The following GLIS1 variants were observed in gnomAD, a reference collection of about 807,000 sequenced individuals.
GLIS1 encodes the protein GLIS family zinc finger 1, also known as zinc finger protein GLIS1.
A neutral mutation model predicts 63.8 loss-of-function variants in GLIS1; 24 were observed. That is an observed-to-expected ratio of 0.38 (90% CI 0.27 to 0.53). GLIS1 has a LOEUF of 0.53. Ranked by LOEUF, GLIS1 falls within the 20% of genes least tolerant of loss-of-function variation. GLIS1 has a pLI of 0.85. For synonymous variants in GLIS1, 450 were observed against 482.5 expected, an observed-to-expected ratio of 0.93 and a Z score of 0.88; for missense variants, 1,036 against 1,074.1, an observed-to-expected ratio of 0.96 and a Z score of 0.50.
chr1:53,556,269 G>GGTGT (rs141155406), intron 4 of GLIS1, among the ~76,000 whole-genome samples: 12 of 82,268 alleles, frequency 1.5e-4, no homozygotes, highest in Admixed American at 2.3e-4. Flanking sequence ...GTGTACTGCA[G>GGTGT]GTGTGTGTGT....
At position 53,661,842 on chromosome 1, in the gene GLIS1, G is replaced by A. The variant is rs564349015; in HGVS notation, c.260-61564C>T. 3.3e-5 allele frequency among the ~76,000 whole-genome samples: 5 copies of A among 152,334 alleles called. No homozygotes were observed. The South Asian group carries it at 1.0e-3, about 32-fold the overall frequency. On this transcript the variant is annotated intron_variant, in intron 2 of 10. Coordinates refer to ENST00000628545, the MANE Select transcript of GLIS1 (RefSeq NM_001367484.1). ...ACAGGGAGGTTGGCTACCACCAGAT[G>A]AGAACTCAGTGAAGAGTCATTCAAC...
At position 53,560,025 on chromosome 1, in the gene GLIS1, G is replaced by C. The variant is rs1644870439; in HGVS notation, c.1321-30073C>G. On this transcript the variant is annotated intron_variant, in intron 4 of 10. Coordinates refer to ENST00000628545, the MANE Select transcript of GLIS1 (RefSeq NM_001367484.1). The surrounding 1 kb of genome is among the most constrained non-coding windows in gnomAD (Gnocchi z 4.4). The stretch of plus-strand genomic sequence containing the variant: ...CCAACTCAAGTGCTTCCTCCTCTGG[G>C]AAGTGCTCCCTGACTTCCCAGGCAG... 3.9e-5 allele frequency among the ~76,000 whole-genome samples: 6 copies of C among 152,200 alleles called. No homozygotes were observed. In the South Asian group the frequency reaches 1.2e-3, roughly 32 times the overall value.
At chr1:53,693,658 G>A (rs1020821129) in intron 2 of GLIS1, among the ~76,000 whole-genome samples, 4 of 151,790 alleles carry the variant, frequency 2.6e-5, no homozygotes, top group Admixed American at 6.6e-5. Flanking sequence ...TCCCGGCCTC[G>A]GGGTCGCCAA....
Position 53,675,162 on chromosome 1 carries a change from A to G in GLIS1, c.259+62644T>C, listed in dbSNP as rs181167316. On this transcript the variant is annotated intron_variant, in intron 2 of 10. Transcript: ENST00000628545. ...GGGGTTACGGGTGAGGGTCCTGATA[A>G]CTCCAGCATCCTGAAATTCCCCAAA... is the stretch of plus-strand genomic sequence containing the variant. 4.6e-4 allele frequency among the ~76,000 whole-genome samples: 70 copies of G among 152,134 alleles called. No homozygotes were observed. The East Asian group carries it at 0.013, about 28-fold the overall frequency.
chr1:53,559,526 T>C (rs1305767038), intron 4 of GLIS1, among the ~76,000 whole-genome samples: 2 of 152,202 alleles, frequency 1.3e-5, no homozygotes, highest in Non-Finnish European at 2.9e-5. Context: ...GCTGGGATGA[T>C]GATTGGCGAA....
intron 2 of GLIS1, among the ~76,000 whole-genome samples, chr1:53,668,176 T>A (rs1570017007): frequency 6.6e-6 from 1 of 152,202 alleles, no homozygotes; most frequent in Admixed American, 6.5e-5. Flanking sequence ...CAGTAGACAC[T>A]TCCTTGTTGT....
chr1:53,721,289 C>A (rs1160980096), intron 2 of GLIS1, among the ~76,000 whole-genome samples: 1 of 152,118 alleles, frequency 6.6e-6, no homozygotes, highest in Non-Finnish European at 1.5e-5. Flanking sequence ...GCTGCGTAAC[C>A]CTGGACTAGT....
intron 2 of GLIS1, among the ~76,000 whole-genome samples, chr1:53,637,741 A>G (rs777747686): frequency 2.0e-5 from 3 of 152,170 alleles, no homozygotes; most frequent in Non-Finnish European, 4.4e-5. Context: ...GTGGCCTCGC[A>G]GTGACTGTAC....
Position 53,696,814 on chromosome 1 carries a change from C to T in GLIS1, c.259+40992G>A, listed in dbSNP as rs548210445. ...CTCCCACACGGAGCCTTGCCTGCCTCCCCCAGCTGGAACAGGTCATCATCC... is the reference window on the plus strand; with the variant it reads ...CTCCCACACGGAGCCTTGCCTGCCTTCCCCAGCTGGAACAGGTCATCATCC... On this transcript the variant is annotated intron_variant, in intron 2 of 10. Transcript: ENST00000628545. Among the ~76,000 whole-genome samples the T allele has an allele frequency of 2.2e-4, 34 of 152,338 alleles. 1 individual carries two copies. In the South Asian group the frequency reaches 6.8e-3, roughly 31 times the overall value.
intron 2 of GLIS1, among the ~76,000 whole-genome samples, chr1:53,683,321 G>A (rs573568259): frequency 1.4e-4 from 20 of 137,938 alleles, no homozygotes; most frequent in South Asian, 7.8e-4. Context: ...GATTATAACC[G>A]CAGGCAGGCA....
chr1:53,601,980 C>T (rs1374113341), intron 2 of GLIS1, among the ~76,000 whole-genome samples: 1 of 152,160 alleles, frequency 6.6e-6, no homozygotes, highest in Admixed American at 6.5e-5. Context: ...CACAAGGTCC[C>T]AGGGCAGGTG....
chr1:53,725,910 C>T (rs1208215668), intron 2 of GLIS1, among the ~76,000 whole-genome samples: 1 of 152,202 alleles, frequency 6.6e-6, no homozygotes, highest in Admixed American at 6.5e-5. Flanking sequence ...GAAGCCCCAC[C>T]TTGACTGGAG....
At chr1:53,591,383 C>T (rs1645191976) in intron 4 of GLIS1, among the ~76,000 whole-genome samples, 1 of 152,122 alleles carries the variant, frequency 6.6e-6, no homozygotes, top group Non-Finnish European at 1.5e-5. Context: ...ATGGTGACAC[C>T]CAGTGGGGCC....
intron 10 of GLIS1, among the ~76,000 whole-genome samples, chr1:53,508,553 C>G (rs1465423821): frequency 1.3e-5 from 2 of 152,134 alleles, no homozygotes; most frequent in African/African-American, 2.4e-5. Flanking sequence ...TAGGCCTGCC[C>G]TGCTGATCGG....
At chr1:53,629,085 T>G (rs1238079857) in intron 2 of GLIS1, among the ~76,000 whole-genome samples, 1 of 152,088 alleles carries the variant, frequency 6.6e-6, no homozygotes, top group Admixed American at 6.5e-5. Context: ...ACACACAGGA[T>G]GTATCCACAC....
At chr1:53,660,779 T>C (rs1646019049) in intron 2 of GLIS1, among the ~76,000 whole-genome samples, 1 of 151,910 alleles carries the variant, frequency 6.6e-6, no homozygotes, top group Non-Finnish European at 1.5e-5. Flanking sequence ...GGTGCTCAGG[T>C]TTATGGGAGT....
At chr1:53,582,097 A>T (rs1392798103) in intron 4 of GLIS1, among the ~76,000 whole-genome samples, 3 of 152,200 alleles carry the variant, frequency 2.0e-5, no homozygotes, top group Admixed American at 2.0e-4. Flanking sequence ...CTTAGACTGT[A>T]TCAGGGTCAG....
chr1:53,679,205 G>A (rs1646248531), intron 2 of GLIS1, among the ~76,000 whole-genome samples: 1 of 152,200 alleles, frequency 6.6e-6, no homozygotes, highest in African/African-American at 2.4e-5. Flanking sequence ...ACTACGAGGG[G>A]GAACGGGCAG....
chr1:53,511,029 G>T lies in GLIS1; in HGVS notation c.1884-1002C>A, dbSNP rs527820171. ...TGGACCACAGGATGCTGCAGGCCAG[G>T]TTCCCTTCTCATGCTACCTTCCTAA... is the stretch of plus-strand genomic sequence containing the variant. On this transcript the variant is annotated intron_variant, in intron 8 of 10. Coordinates refer to ENST00000628545, the MANE Select transcript of GLIS1 (RefSeq NM_001367484.1). This position sits in a 1 kb window ranked among gnomAD's most constrained non-coding sequence, Gnocchi z 4.2. Among the ~76,000 whole-genome samples, 1 of 152,324 alleles carries T rather than the reference G, an allele frequency of 6.6e-6. No homozygotes were observed. The highest frequency in any genetic ancestry group is 2.4e-5 in the African/African-American group (1 of 41,572).
Sources: gnomAD v4.1 joint callset for allele counts (sites outside exome capture counted in the v4.1 genomes callset) on GRCh38, gnomAD v4.1.1 for gene constraint, Gnocchi (gnomAD v3.1) non-coding constraint, MANE v1.5 for transcripts, NCBI Gene and HGNC (gene_info 2026-07-23, HGNC 2026-07-21) for gene names.